Variants in RAD51B observed in about 807,000 individuals in gnomAD.
RAD51B encodes the protein DNA repair protein RAD51 homolog 2.
In RAD51B, 38 loss-of-function variants were observed where a neutral mutation model predicts 42.2. That is an observed-to-expected ratio of 0.90 (90% confidence interval 0.70 to 1.18). The LOEUF (loss-of-function observed/expected upper bound fraction) is 1.18. RAD51B is among the 50% of genes most tolerant of loss of function. The pLI is 0.00. For missense variants in RAD51B, 373 were observed against 400.7 expected, an observed-to-expected ratio of 0.93 and a Z score of 0.59; for synonymous variants, 154 against 145.2, an observed-to-expected ratio of 1.06 and a Z score of -0.43.
chr14:68,023,686 A>G (rs1024667608), intron 7 of RAD51B, among the ~76,000 whole-genome samples: 33 of 152,044 alleles, frequency 2.2e-4, no homozygotes, highest in African/African-American at 7.5e-4. Context: ...CCATTTTTTA[A>G]TGGGGCTGTT....
chr14:68,121,836 A>C, intron 7 of RAD51B, among the ~76,000 whole-genome samples: 1 of 152,132 alleles, frequency 6.6e-6, no homozygotes, highest in East Asian at 1.9e-4. Flanking sequence ...ATTTTTGTAA[A>C]ATGTATTAAG....
intron 9 of RAD51B, among the ~76,000 whole-genome samples, chr14:68,434,337 C>T (rs748316980): frequency 6.6e-6 from 1 of 152,174 alleles, no homozygotes; most frequent in Admixed American, 6.5e-5. Context: ...TCCTGCCCCC[C>T]AGAGGTGGAG....
At chr14:68,252,901 C>T (rs1177838241) in intron 7 of RAD51B, among the ~76,000 whole-genome samples, 2 of 151,848 alleles carry the variant, frequency 1.3e-5, no homozygotes, top group Admixed American at 6.6e-5. Context: ...GCCAACATGG[C>T]GAAACCCCGA....
chr14:68,150,153 C>G (rs1207589134), intron 7 of RAD51B, among the ~76,000 whole-genome samples: 2 of 152,296 alleles, frequency 1.3e-5, no homozygotes, highest in Non-Finnish European at 2.9e-5. Flanking sequence ...CCATGTTGGT[C>G]AGGCTAGTCT....
chr14:68,084,130 A>T (rs2076951908), intron 7 of RAD51B, among the ~76,000 whole-genome samples: 1 of 152,206 alleles, frequency 6.6e-6, no homozygotes, highest in Non-Finnish European at 1.5e-5. Context: ...CTTGTTGTAA[A>T]TATTTTTTAA....
At chr14:68,373,655 A>G (rs2139959960) in intron 8 of RAD51B, among the ~76,000 whole-genome samples, 1 of 152,284 alleles carries the variant, frequency 6.6e-6, no homozygotes, top group East Asian at 1.9e-4. Flanking sequence ...CATTAGGACA[A>G]ATACCTAATT....
chr14:68,552,722 G>A (rs10148391), intron 10 of RAD51B, among the ~76,000 whole-genome samples: 31,944 of 152,026 alleles, frequency 0.21, 3,731 homozygotes, highest in Middle Eastern at 0.36. Context: ...GTAATAACAC[G>A]TTTCTGTGGA....
intron 7 of RAD51B, among the ~76,000 whole-genome samples, chr14:68,003,688 G>A (rs900198630): frequency 4.6e-5 from 7 of 152,090 alleles, no homozygotes; most frequent in African/African-American, 1.7e-4. Flanking sequence ...TTTGAGGTAT[G>A]TTTCTTCAAT....
intron 7 of RAD51B, among the ~76,000 whole-genome samples, chr14:68,196,211 T>C (rs968682647): frequency 2.0e-5 from 3 of 151,528 alleles, no homozygotes; most frequent in African/African-American, 7.3e-5. Context: ...AAAAAAATTA[T>C]ATTCCTTTGT....
At chr14:68,669,201 A>C (rs983544806) in intron 11 of RAD51B, among the ~76,000 whole-genome samples, 3 of 152,272 alleles carry the variant, frequency 2.0e-5, no homozygotes, top group Non-Finnish European at 1.5e-5. Context: ...AGAGAGCCAA[A>C]TTAAGCTGAT....
At chr14:68,464,578 T>A (rs868263073) in intron 9 of RAD51B, among the ~76,000 whole-genome samples, 1 of 152,236 alleles carries the variant, frequency 6.6e-6, no homozygotes, top group African/African-American at 2.4e-5. Flanking sequence ...TACATTCTAC[T>A]AGAGGTTGCT....
At chr14:68,648,385 A>G (rs1162672363) in intron 10 of RAD51B, among the ~76,000 whole-genome samples, 1 of 143,928 alleles carries the variant, frequency 6.9e-6, no homozygotes, top group African/African-American at 2.5e-5. Context: ...TCTATTTTGT[A>G]TCTCATCCTT....
chr14:67,827,934 G>A (rs2040889176), intron 3 of RAD51B, among the ~76,000 whole-genome samples: 1 of 152,152 alleles, frequency 6.6e-6, no homozygotes, highest in Admixed American at 6.6e-5. Flanking sequence ...ATTGTGAATA[G>A]TGCTGCAATG....
At chr14:67,901,427 T>G (rs188243100) in intron 7 of RAD51B, among the ~76,000 whole-genome samples, 43 of 152,280 alleles carry the variant, frequency 2.8e-4, no homozygotes, top group Non-Finnish European at 5.0e-4. Flanking sequence ...ACAGGGACAG[T>G]GCAGGTGCAG....
intron 5 of RAD51B, among the ~76,000 whole-genome samples, chr14:67,871,912 A>G (rs1337429481): frequency 6.6e-6 from 1 of 151,884 alleles, no homozygotes; most frequent in Non-Finnish European, 1.5e-5. Flanking sequence ...AACTCTCAAT[A>G]AATTAGGTAT....
intron 7 of RAD51B, among the ~76,000 whole-genome samples, chr14:68,019,870 G>C (rs538221015): frequency 6.6e-6 from 1 of 152,278 alleles, no homozygotes; most frequent in East Asian, 1.9e-4. Context: ...GAGGAGAAAA[G>C]ACCAAAAAGA....
At chr14:68,235,906 G>A (rs111385771) in intron 7 of RAD51B, among the ~76,000 whole-genome samples, 2,983 of 152,170 alleles carry the variant, frequency 0.02, 103 homozygotes, top group African/African-American at 0.068. Flanking sequence ...GTCCTTTGCA[G>A]CAACATGGAT....
intron 7 of RAD51B, among the ~76,000 whole-genome samples, chr14:68,134,961 T>C (rs1048014827): frequency 1.5e-4 from 23 of 152,224 alleles, no homozygotes; most frequent in African/African-American, 5.5e-4. Flanking sequence ...TTTTTATGAT[T>C]AATATTTTAA....
At chr14:67,864,829 A>T in intron 4 of RAD51B, 174 bp from the exon 5 acceptor site, 1 of 1,061,584 alleles carries the variant, frequency 9.4e-7, no homozygotes, top group South Asian at 1.4e-5. Context: ...AGAGGGGAGA[A>T]GTTAATTCAT....
Sources: allele counts gnomAD v4.1 joint callset (sites outside exome capture counted in the v4.1 genomes callset), GRCh38; gene constraint gnomAD v4.1.1; transcripts MANE v1.5; gene names NCBI Gene and HGNC (gene_info 2026-07-23, HGNC 2026-07-21).